The following TMEM267 variants were observed in gnomAD, a reference collection of about 807,000 sequenced individuals.
The protein encoded by TMEM267 is transmembrane protein 267.
Under a neutral mutation model 19.3 loss-of-function variants are expected in TMEM267, and 20 were observed. The ratio of observed to expected loss-of-function variants is 1.04; its 90% confidence interval spans 0.73 to 1.51. TMEM267 has a LOEUF of 1.51. Among genes scored for constraint, TMEM267 ranks in the 40% most tolerant of loss-of-function variants. The pLI is 0.00. For synonymous variants in TMEM267, 88 were observed against 90.3 expected, an observed-to-expected ratio of 0.97 and a Z score of 0.15; for missense variants, 242 against 261.9, an observed-to-expected ratio of 0.92 and a Z score of 0.52.
chr5:43,454,342 C>G (rs1169113037), intron 1 of TMEM267: 1 of 170,442 alleles, frequency 5.9e-6, no homozygotes, highest in Non-Finnish European at 1.2e-5. Context: ...GTGTGTAGTA[C>G]ATGGTGGTGA....
chr5:43,448,795 C>CA (rs200879598), intron 2 of TMEM267, among the ~76,000 whole-genome samples: 12 of 148,620 alleles, frequency 8.1e-5, no homozygotes, highest in African/African-American at 2.2e-4. Context: ...CCCCCCCCCA[C>CA]AAAAAAAACT....
At chr5:43,453,145 G>A (rs1742715504) in intron 2 of TMEM267, among the ~76,000 whole-genome samples, 2 of 152,180 alleles carry the variant, frequency 1.3e-5, no homozygotes, top group African/African-American at 2.4e-5. Flanking sequence ...CGCTCCAAAA[G>A]GGACTGGGAG....
chr5:43,448,212 C>T (rs543822745), intron 2 of TMEM267, among the ~76,000 whole-genome samples: 3 of 152,220 alleles, frequency 2.0e-5, no homozygotes, highest in South Asian at 2.1e-4. Context: ...GTTTATTTTA[C>T]GCTCCTCTTT....
At chr5:43,482,624 G>A (rs1744853610) in intron 1 of TMEM267, among the ~76,000 whole-genome samples, 1 of 152,008 alleles carries the variant, frequency 6.6e-6, no homozygotes. Context: ...TAATAAATCC[G>A]CAGCCTATGA....
Position 43,453,657 on chromosome 5 carries a change from C to T in TMEM267, c.312+1G>A. The T allele has an allele frequency of 6.2e-7, 1 of 1,612,072 alleles. No homozygotes were observed. The highest frequency in any genetic ancestry group is 1.3e-5 in the African/African-American group (1 of 74,832). On this transcript the variant is annotated splice_donor_variant, in intron 2 of 2. Coordinates refer to ENST00000397080, the MANE Select transcript of TMEM267 (RefSeq NM_022483.5). LOFTEE classifies it high-confidence loss of function. ...AGAAAAATTAAGCCTATGCTTTTTA[C>T]CTTTAAAGACATGGATCCAGCTAGA...
intron 2 of TMEM267, among the ~76,000 whole-genome samples, chr5:43,453,175 T>G (rs377514519): frequency 1.3e-5 from 2 of 152,206 alleles, no homozygotes; most frequent in East Asian, 3.8e-4. Context: ...GTTCAAGTCA[T>G]TCCTTAGGAC....
chr5:43,453,046 T>C (rs1286238802), intron 2 of TMEM267, among the ~76,000 whole-genome samples: 1 of 152,246 alleles, frequency 6.6e-6, no homozygotes, highest in Admixed American at 6.5e-5. Context: ...GTGAACTATA[T>C]AACTGAACTC....
At chr5:43,472,633 A>G (rs1744150153) in intron 1 of TMEM267, among the ~76,000 whole-genome samples, 1 of 152,224 alleles carries the variant, frequency 6.6e-6, no homozygotes, top group African/African-American at 2.4e-5. Flanking sequence ...AGATCCAGTT[A>G]TTTGCAACAA....
At chr5:43,448,514 C>T (rs1579781049) in intron 2 of TMEM267, among the ~76,000 whole-genome samples, 1 of 152,226 alleles carries the variant, frequency 6.6e-6, no homozygotes, top group South Asian at 2.1e-4. Context: ...GAGTGGCTCA[C>T]GCCTCTAATC....
intron 2 of TMEM267, among the ~76,000 whole-genome samples, chr5:43,447,728 T>TTC (rs369531568): frequency 9.2e-5 from 14 of 152,264 alleles, no homozygotes; most frequent in African/African-American, 3.1e-4. Flanking sequence ...AATCAGTGGG[T>TTC]TCTCTCTCTC....
intron 1 of TMEM267, among the ~76,000 whole-genome samples, chr5:43,461,433 T>A (rs987428692): frequency 5.9e-5 from 9 of 152,128 alleles, no homozygotes; most frequent in Non-Finnish European, 1.2e-4. Flanking sequence ...ACTTTGCCTT[T>A]CACCTTAGGT....
intron 1 of TMEM267, among the ~76,000 whole-genome samples, chr5:43,466,642 A>G (rs1743697638): frequency 6.6e-6 from 1 of 152,192 alleles, no homozygotes; most frequent in Non-Finnish European, 1.5e-5. Flanking sequence ...GTTAAAACAG[A>G]GTTTTTATCA....
intron 1 of TMEM267, among the ~76,000 whole-genome samples, chr5:43,481,106 CTT>C (rs70994700): frequency 0.033 from 4,155 of 124,316 alleles, 100 homozygotes; most frequent in African/African-American, 0.089. Flanking sequence ...GCCCGGCTTA[CTT>C]TTTTTTTTTT....
rs943581401 is a variant in TMEM267, at chr5:43,455,696, C to T, written c.-74-1653G>A. 7.9e-5 allele frequency among the ~76,000 whole-genome samples: 12 copies of T among 152,038 alleles called. 1 individual carries two copies. The South Asian group carries it at 2.1e-3, about 26-fold the overall frequency. ...TCAAGTAGCTGGGATTACAGGTGCC[C>T]GCCACCATGCCTGGCTAATTTTTTT... On this transcript the variant is annotated intron_variant, in intron 1 of 2. Transcript: ENST00000397080.
At chr5:43,481,424 A>G (rs1231271841) in intron 1 of TMEM267, among the ~76,000 whole-genome samples, 1 of 151,988 alleles carries the variant, frequency 6.6e-6, no homozygotes, top group Non-Finnish European at 1.5e-5. Flanking sequence ...ATTTTACATG[A>G]TGAGTTCAGA....
chr5:43,446,880 AGTTTTATATAATTATC>A (rs1742274990), intron 2 of TMEM267, among the ~76,000 whole-genome samples: 2 of 152,024 alleles, frequency 1.3e-5, no homozygotes, highest in South Asian at 2.1e-4. Context: ...TGTAATTTGG[AGTTTTATATAATTATC>A]CAGGGCCTCT....
At chr5:43,474,912 C>T (rs1005553196) in intron 1 of TMEM267, among the ~76,000 whole-genome samples, 4 of 152,124 alleles carry the variant, frequency 2.6e-5, no homozygotes, top group South Asian at 2.1e-4. Flanking sequence ...AATAGGAACG[C>T]TTTTACACTG....
At chr5:43,472,378 T>C (rs889145283) in intron 1 of TMEM267, among the ~76,000 whole-genome samples, 4 of 152,122 alleles carry the variant, frequency 2.6e-5, no homozygotes, top group Admixed American at 2.0e-4. Context: ...GGAGAACAAT[T>C]TGAACGTTCC....
In TMEM267 at chr5:43,460,451, T is replaced by G. The variant is rs116495157; in HGVS notation, c.-74-6408A>C. Among the ~76,000 whole-genome samples, 1,293 of 151,734 alleles carry G rather than the reference T, an allele frequency of 8.5e-3. 7 individuals carry two copies. Among genetic ancestry groups the G allele is most frequent in the Non-Finnish European group, 0.014 (926 of 67,906 alleles). On this transcript the variant is annotated intron_variant, in intron 1 of 2. Coordinates refer to ENST00000397080, the MANE Select transcript of TMEM267 (RefSeq NM_022483.5). ...CCCCAAACACAAGTTAACAACTATC[T>G]ACACAGAAAAAAAATACCTTCATAA...
Sources: gnomAD v4.1 joint callset for allele counts (sites outside exome capture counted in the v4.1 genomes callset) on GRCh38, gnomAD v4.1.1 for gene constraint, MANE v1.5 for transcripts, NCBI Gene and HGNC (gene_info 2026-07-23, HGNC 2026-07-21) for gene names.